The following FILIP1L variants were observed in gnomAD, a reference collection of about 807,000 sequenced individuals.
The protein encoded by FILIP1L is filamin A-interacting protein 1-like.
In FILIP1L, 55 loss-of-function variants were observed where a neutral mutation model predicts 96.6. The ratio of observed to expected loss-of-function variants is 0.57; its 90% CI spans 0.46 to 0.71. FILIP1L has a LOEUF of 0.71. FILIP1L is among the 30% of genes least tolerant of loss of function. The pLI is 0.00. For synonymous variants in FILIP1L, 467 were observed against 473.9 expected (o/e 0.99, Z 0.19); for missense variants, 1,304 against 1,321.2 (o/e 0.99, Z 0.20).
At chr3:100,008,858 ATT>A (rs1710064201) in intron 1 of FILIP1L, among the ~76,000 whole-genome samples, 1 of 152,304 alleles carries the variant, frequency 6.6e-6, no homozygotes, top group African/African-American at 2.4e-5. Context: ...CAGCAAAGTG[ATT>A]TTATTCCTGG....
chr3:100,081,809 C>G (rs1468482336), intron 1 of FILIP1L, among the ~76,000 whole-genome samples: 1 of 152,082 alleles, frequency 6.6e-6, no homozygotes, highest in Admixed American at 6.6e-5. Flanking sequence ...TGTTCTGGGT[C>G]TTAGTTGCAG....
At chr3:99,973,824 G>T (rs1708892154) in intron 1 of FILIP1L, among the ~76,000 whole-genome samples, 1 of 152,170 alleles carries the variant, frequency 6.6e-6, no homozygotes, top group Non-Finnish European at 1.5e-5. Flanking sequence ...CTATTCCTAG[G>T]CCTGGTGTTT....
At chr3:99,926,815 C>G (rs1263062530) in intron 3 of FILIP1L, among the ~76,000 whole-genome samples, 1 of 151,950 alleles carries the variant, frequency 6.6e-6, no homozygotes, top group East Asian at 1.9e-4. Context: ...TTGTTTTTTT[C>G]CCTTTATATG....
At chr3:99,989,321 G>A (rs1210567325) in intron 1 of FILIP1L, among the ~76,000 whole-genome samples, 1 of 152,158 alleles carries the variant, frequency 6.6e-6, no homozygotes, top group Non-Finnish European at 1.5e-5. Context: ...AGGATTCTAG[G>A]TACTAAATGT....
At position 99,850,086 on chromosome 3, in the gene FILIP1L, A is replaced by G. The variant is rs763948053; in HGVS notation, c.1590T>C (p.Asn530=). ...ACTTCTCAGTAACTGTTGTTACTTT[A>G]TTTTGCTCCACTTGAAGCTGAGAAG... ...AASSQLQVEQ[N]KVTTVTEKLI... The change falls in exon 5 of 6, where the codon AAT becomes AAC. Residue 530 remains asparagine, a synonymous_variant. Coordinates refer to ENST00000477258, the MANE Select transcript of FILIP1L (RefSeq NM_001387850.1). 1.2e-6 allele frequency: 2 copies of G among 1,612,878 alleles called. No individual in the cohort carries two copies. Among genetic ancestry groups the G allele is most frequent in the Admixed American group, 3.3e-5 (2 of 59,824 alleles).
At chr3:99,884,996 T>C (rs1195605992) in intron 4 of FILIP1L, among the ~76,000 whole-genome samples, 10 of 152,310 alleles carry the variant, frequency 6.6e-5, no homozygotes, top group African/African-American at 1.4e-4. Flanking sequence ...GTGGGGAAAA[T>C]TGTGCTACGA....
intron 4 of FILIP1L, among the ~76,000 whole-genome samples, chr3:99,886,741 G>T (rs1165486022): frequency 6.7e-6 from 1 of 149,116 alleles, no homozygotes; most frequent in Admixed American, 6.7e-5. Context: ...ATCACTTGAG[G>T]TTAGGAGTTC....
chr3:100,072,715 A>G (rs559304525), intron 1 of FILIP1L, among the ~76,000 whole-genome samples: 1 of 152,360 alleles, frequency 6.6e-6, no homozygotes, highest in African/African-American at 2.4e-5. Flanking sequence ...TCTACTGGAC[A>G]GAGGTGATGA....
In FILIP1L at chr3:99,991,993, C is replaced by CGT. The variant is rs1709535894; in HGVS notation, c.-10-60965_-10-60964dup. Among the ~76,000 whole-genome samples, 7 of 142,848 alleles carry CGT rather than the reference C, an allele frequency of 4.9e-5. No individual in the cohort carries two copies. In the South Asian group the frequency reaches 1.5e-3, roughly 31 times the overall value. 93.7% of individuals were successfully genotyped at this position (142,848 alleles called of 152,430 possible). On this transcript the variant is annotated intron_variant, in intron 1 of 5. Transcript: ENST00000477258. Reference sequence around the variant, plus strand: ...ATACACACATATATGTGTATATATACGTATATATATGTGTGTGTGTATATA... The same window carrying CGT: ...ATACACACATATATGTGTATATATACGTGTATATATATGTGTGTGTGTATATA...
chr3:100,060,633 T>TA (rs2065547198), intron 1 of FILIP1L, among the ~76,000 whole-genome samples: 1 of 152,034 alleles, frequency 6.6e-6, no homozygotes, highest in South Asian at 2.1e-4. Context: ...AGCAGACAGA[T>TA]ACCTTGAGCT....
chr3:99,964,231 A>G (rs1708579453), intron 1 of FILIP1L: 1 of 152,198 alleles, frequency 6.6e-6, no homozygotes, highest in South Asian at 2.1e-4. Flanking sequence ...TTATTTATCA[A>G]TATTTATCTT....
At chr3:99,979,644 A>G (rs1709063617) in intron 1 of FILIP1L, among the ~76,000 whole-genome samples, 1 of 152,214 alleles carries the variant, frequency 6.6e-6, no homozygotes, top group South Asian at 2.1e-4. Context: ...ATGAGTGTTA[A>G]GTATTACCTC....
chr3:100,087,832 C>CTT lies in FILIP1L; in HGVS notation c.-11+26219_-11+26220dup, dbSNP rs755041519. ...CAAAGATTTTCTCCTATTGTTTCAA[C>CTT]TTTTTTTTTTTTTTTTTTTTTTGAG... On this transcript the variant is annotated intron_variant, in intron 1 of 5. Transcript: ENST00000477258. 2.9e-3 allele frequency among the ~76,000 whole-genome samples: 327 copies of CTT among 114,088 alleles called. 5 individuals carry two copies. The highest frequency in any genetic ancestry group is 8.1e-3 in the African/African-American group (253 of 31,186). 74.8% of individuals were successfully genotyped at this position (114,088 alleles called of 152,430 possible).
At chr3:99,987,850 A>G (rs778338039) in intron 1 of FILIP1L, among the ~76,000 whole-genome samples, 1 of 152,230 alleles carries the variant, frequency 6.6e-6, no homozygotes, top group Non-Finnish European at 1.5e-5. Flanking sequence ...AGCAGTAAAC[A>G]TTTCATTAAC....
chr3:99,833,260 A>C lies in FILIP1L; in HGVS notation c.3382-2655T>G, dbSNP rs527559105. The C allele has an allele frequency of 2.5e-6, 4 of 1,611,138 alleles. No homozygotes were observed. The African/African-American group carries it at 5.3e-5, about 22-fold the overall frequency. Reference sequence around the variant, plus strand: ...TCAATGAGGCAGAAGAAGTGGTTCCACCTAGGGAGCAGTAGAAAGAAGAGG... The same window carrying C: ...TCAATGAGGCAGAAGAAGTGGTTCCCCCTAGGGAGCAGTAGAAAGAAGAGG... On this transcript the variant is annotated intron_variant, in intron 5 of 5. Coordinates refer to ENST00000477258, the MANE Select transcript of FILIP1L (RefSeq NM_001387850.1).
chr3:100,027,432 T>C (rs1348440954), intron 1 of FILIP1L, among the ~76,000 whole-genome samples: 1 of 152,174 alleles, frequency 6.6e-6, no homozygotes, highest in African/African-American at 2.4e-5. Context: ...GCTGTACTTC[T>C]TTTGGCCTAG....
chr3:100,013,018 C>T (rs1710206344), intron 1 of FILIP1L, among the ~76,000 whole-genome samples: 1 of 151,602 alleles, frequency 6.6e-6, no homozygotes, highest in South Asian at 2.1e-4. Flanking sequence ...GGCTGATCTT[C>T]ACCACACCCA....
At chr3:100,075,032 G>A (rs1576024366) in intron 1 of FILIP1L, among the ~76,000 whole-genome samples, 1 of 151,254 alleles carries the variant, frequency 6.6e-6, no homozygotes, top group East Asian at 1.9e-4. Context: ...ATAAACCTTT[G>A]TTTGTATAAA....
chr3:100,015,408 T>A (rs1710313234), intron 1 of FILIP1L, among the ~76,000 whole-genome samples: 1 of 152,222 alleles, frequency 6.6e-6, no homozygotes, highest in South Asian at 2.1e-4. Flanking sequence ...GCTTTTTCTA[T>A]TTCTGTGAAA....
Sources: gnomAD v4.1 joint callset for allele counts (sites outside exome capture counted in the v4.1 genomes callset) on GRCh38, gnomAD v4.1.1 for gene constraint, MANE v1.5 for transcripts, NCBI Gene and HGNC (gene_info 2026-07-23, HGNC 2026-07-21) for gene names.